The following CRPPA variants were observed in gnomAD, a reference collection of about 807,000 sequenced individuals.
CRPPA encodes the protein CDP-L-ribitol pyrophosphorylase A, also known as D-ribitol-5-phosphate cytidylyltransferase.
A neutral mutation model predicts 52.0 loss-of-function variants in CRPPA; 43 were observed. The ratio of observed to expected loss-of-function variants is 0.83; its 90% confidence interval spans 0.65 to 1.07. The LOEUF is 1.07. CRPPA is among the 50% of genes least tolerant of loss of function. The pLI, the probability that CRPPA is intolerant of heterozygous loss-of-function variation, is 0.00. For missense variants in CRPPA, 629 were observed against 551.7 expected (o/e 1.14, Z -1.40); for synonymous variants, 250 against 203.5 (o/e 1.23, Z -1.94).
chr7:16,242,559 T>G (rs929757306), intron 8 of CRPPA, among the ~76,000 whole-genome samples: 2 of 152,102 alleles, frequency 1.3e-5, no homozygotes, highest in African/African-American at 2.4e-5. Context: ...AACAATAACT[T>G]CAGTCAAATC....
At chr7:16,326,056 A>G (rs1469991929) in intron 3 of CRPPA, among the ~76,000 whole-genome samples, 1 of 106,780 alleles carries the variant, frequency 9.4e-6, no homozygotes, top group Non-Finnish European at 2.0e-5. Context: ...TAAGTAAGAA[A>G]ATCTCAAAAA....
chr7:16,207,940 T>C (rs1375094647), intron 9 of CRPPA, among the ~76,000 whole-genome samples: 1 of 152,208 alleles, frequency 6.6e-6, no homozygotes, highest in Non-Finnish European at 1.5e-5. Context: ...TCAAATTGCC[T>C]TCTTTTTGTT....
At chr7:16,358,047 G>C (rs1451412450) in intron 3 of CRPPA, among the ~76,000 whole-genome samples, 1 of 152,210 alleles carries the variant, frequency 6.6e-6, no homozygotes, top group Non-Finnish European at 1.5e-5. Context: ...AGCAAAATGA[G>C]GCTGGCAGGC....
At chr7:16,295,572 A>T (rs1784654370) in intron 5 of CRPPA, among the ~76,000 whole-genome samples, 1 of 152,154 alleles carries the variant, frequency 6.6e-6, no homozygotes, top group South Asian at 2.1e-4. Context: ...TATATTAAGT[A>T]GATGAAGAAT....
chr7:16,091,311 A>G lies in CRPPA; in HGVS notation c.*384T>C, dbSNP rs1168807366. On this transcript the variant is annotated 3_prime_UTR_variant, in exon 10 of 10. Transcript: ENST00000407010. ...TCTGAAGTTTATCCATTAGCTTCAT[A>G]ATAGTGTAAATTATTAATTAACAGT... The G allele has an allele frequency of 1.2e-5, 2 of 170,274 alleles. No individual in the cohort carries two copies. Among genetic ancestry groups the G allele is most frequent in the East Asian group, 1.9e-4 (1 of 5,372 alleles). 10.5% of individuals were successfully genotyped at this position (170,274 alleles called of 1,614,324 possible).
At chr7:16,221,719 A>G (rs569203926) in intron 8 of CRPPA, among the ~76,000 whole-genome samples, 2,246 of 152,230 alleles carry the variant, frequency 0.015, 62 homozygotes, top group African/African-American at 0.05. Flanking sequence ...TGGCCATCAG[A>G]GAAATGCAAA....
intron 8 of CRPPA, among the ~76,000 whole-genome samples, chr7:16,238,789 T>C (rs1783020468): frequency 1.3e-5 from 2 of 152,094 alleles, no homozygotes; most frequent in South Asian, 2.1e-4. Flanking sequence ...TAAGAGCATA[T>C]GAAAGCAAAA....
rs1788320722 is a variant in CRPPA at position 16,421,050 on chromosome 7, C to A, written c.257+16G>T. The A allele has an allele frequency of 5.5e-6, 7 of 1,263,586 alleles. No homozygotes were observed. Among genetic ancestry groups the A allele is most frequent in the African/African-American group, 1.6e-5 (1 of 64,486 alleles). The allele number at this position is 1,263,586 out of a possible 1,614,324, so 78.3% of individuals were successfully genotyped here. ...GGGCCCCAGGGAACCGCGGGGCGCG[C>A]CCGGCGCCGCATTACCTCTCCAGGG... On this transcript the variant is annotated intron_variant, in intron 1 of 9. Transcript: ENST00000407010.
At chr7:16,343,823 C>T (rs540410495) in intron 3 of CRPPA, among the ~76,000 whole-genome samples, 56 of 152,286 alleles carry the variant, frequency 3.7e-4, no homozygotes, top group South Asian at 8.3e-4. Flanking sequence ...TGGATGACCA[C>T]GTGTCTCTGC....
At chr7:16,236,872 T>C (rs1452669901) in intron 8 of CRPPA, among the ~76,000 whole-genome samples, 2 of 152,040 alleles carry the variant, frequency 1.3e-5, no homozygotes, top group Non-Finnish European at 2.9e-5. Context: ...TGGAACTCTA[T>C]TAAAATTCAA....
intron 9 of CRPPA, among the ~76,000 whole-genome samples, chr7:16,116,083 T>C (rs1234287317): frequency 6.6e-6 from 1 of 152,160 alleles, no homozygotes; most frequent in Non-Finnish European, 1.5e-5. Context: ...GATATTTACA[T>C]AGTTTCCAAA....
chr7:16,213,295 G>A (rs1782200872), intron 9 of CRPPA, among the ~76,000 whole-genome samples: 2 of 152,038 alleles, frequency 1.3e-5, no homozygotes, highest in Non-Finnish European at 2.9e-5. Flanking sequence ...AATGAAAAGT[G>A]AATAATATTT....
chr7:16,352,213 T>C (rs562420277), intron 3 of CRPPA, among the ~76,000 whole-genome samples: 3 of 149,914 alleles, frequency 2.0e-5, no homozygotes, highest in Non-Finnish European at 3.0e-5. Context: ...AGTTGAACAA[T>C]GAGAACACAT....
At chr7:16,248,934 C>A (rs1783357386) in intron 8 of CRPPA, among the ~76,000 whole-genome samples, 2 of 152,126 alleles carry the variant, frequency 1.3e-5, no homozygotes. Context: ...CTCAGTGGGA[C>A]CCATACCCAC....
At chr7:16,302,654 G>A (rs1784814320) in intron 4 of CRPPA, among the ~76,000 whole-genome samples, 1 of 152,068 alleles carries the variant, frequency 6.6e-6, no homozygotes, top group South Asian at 2.1e-4. Flanking sequence ...GCACACAGAA[G>A]CACAATCAAA....
intron 3 of CRPPA, among the ~76,000 whole-genome samples, chr7:16,337,601 C>G (rs1785718586): frequency 6.6e-6 from 1 of 151,940 alleles, no homozygotes; most frequent in South Asian, 2.1e-4. Flanking sequence ...AAATTGACAA[C>G]TGTTTTTTTG....
intron 3 of CRPPA, among the ~76,000 whole-genome samples, chr7:16,316,915 CCTATGTATT>C (rs1367430628): frequency 6.6e-6 from 1 of 151,904 alleles, no homozygotes; most frequent in Non-Finnish European, 1.5e-5. Flanking sequence ...AAAAATAATA[CCTATGTATT>C]ATTGCTATAT....
At position 16,089,012 on chromosome 7, in the gene CRPPA, T is replaced by C. The variant is rs1420546465; in HGVS notation, c.*2683A>G. ...ATAAGCTTAACACTTATTATCAGTC[T>C]TCCTTATTTTAAGCCCAAACTTTTG... On this transcript the variant is annotated 3_prime_UTR_variant, in exon 10 of 10. Coordinates refer to ENST00000407010, the MANE Select transcript of CRPPA (RefSeq NM_001101426.4). 4 of 223,508 alleles carry C rather than the reference T, an allele frequency of 1.8e-5. No individual in the cohort carries two copies. Among genetic ancestry groups the C allele is most frequent in the Non-Finnish European group, 3.0e-5 (3 of 101,654 alleles). The allele number at this position is 223,508 out of a possible 1,614,324, so 13.8% of individuals were successfully genotyped here.
At chr7:16,362,425 G>A (rs1003535099) in intron 3 of CRPPA, among the ~76,000 whole-genome samples, 1 of 152,054 alleles carries the variant, frequency 6.6e-6, no homozygotes, top group African/African-American at 2.4e-5. Flanking sequence ...CTGATGCCTG[G>A]GACATTAATC....
Sources: allele counts gnomAD v4.1 joint callset (sites outside exome capture counted in the v4.1 genomes callset), GRCh38; gene constraint gnomAD v4.1.1; transcripts MANE v1.5; gene names NCBI Gene and HGNC (gene_info 2026-07-23, HGNC 2026-07-21).